Variants in FAF1 observed in about 807,000 individuals in gnomAD.
The protein encoded by FAF1 is FAS-associated factor 1.
A neutral mutation model predicts 92.5 loss-of-function variants in FAF1; 25 were observed. That is an observed-to-expected ratio of 0.27 (90% CI 0.20 to 0.38). The LOEUF (loss-of-function observed/expected upper bound fraction) is 0.38. Ranked by LOEUF, FAF1 falls within the 10% of genes least tolerant of loss-of-function variation. FAF1 has a pLI of 1.00. For synonymous variants in FAF1, 234 were observed against 273.2 expected (o/e 0.86, Z 1.42); for missense variants, 636 against 793.3 (o/e 0.80, Z 2.38).
intron 1 of FAF1, among the ~76,000 whole-genome samples, chr1:50,892,020 C>A (rs1425549429): frequency 6.6e-6 from 1 of 152,180 alleles, no homozygotes; most frequent in Non-Finnish European, 1.5e-5. Flanking sequence ...TTCGAGCTTC[C>A]CCGCCACTTT....
intron 14 of FAF1, among the ~76,000 whole-genome samples, chr1:50,538,249 A>G (rs1459785141): frequency 6.6e-6 from 1 of 152,050 alleles, no homozygotes; most frequent in African/African-American, 2.4e-5. Flanking sequence ...CAACCACACC[A>G]GTGCTTTTCT....
intron 8 of FAF1, among the ~76,000 whole-genome samples, chr1:50,614,839 CAAAAAAA>C (rs1295301237): frequency 2.1e-5 from 1 of 46,840 alleles, no homozygotes; most frequent in Non-Finnish European, 4.6e-5. Context: ...AACTCCGTCT[CAAAAAAA>C]AAAAAAAAAA....
At chr1:50,489,051 T>C (rs1160247176) in intron 17 of FAF1, among the ~76,000 whole-genome samples, 2 of 152,236 alleles carry the variant, frequency 1.3e-5, no homozygotes, top group East Asian at 3.9e-4. Flanking sequence ...CATCTGTACA[T>C]TGTCTGATTA....
intron 4 of FAF1, among the ~76,000 whole-genome samples, chr1:50,782,578 G>A (rs1312875048): frequency 2.6e-5 from 4 of 151,940 alleles, no homozygotes; most frequent in Admixed American, 2.0e-4. Context: ...ACAAGGTCTC[G>A]TTATGTTACC....
At chr1:50,539,813 T>C in intron 13 of FAF1, 85 bp from the exon 14 acceptor site, 1 of 958,126 alleles carries the variant, frequency 1.0e-6, no homozygotes, top group Admixed American at 2.4e-5. Flanking sequence ...CATTGTGTTA[T>C]TAGTTATGTT....
At chr1:50,656,917 T>G (rs1655139067) in intron 7 of FAF1, among the ~76,000 whole-genome samples, 1 of 151,798 alleles carries the variant, frequency 6.6e-6, no homozygotes, top group Non-Finnish European at 1.5e-5. Flanking sequence ...TAAAATAAAA[T>G]AAAAGAAGTG....
chr1:50,705,115 T>C (rs1657619177), intron 7 of FAF1, among the ~76,000 whole-genome samples: 1 of 152,242 alleles, frequency 6.6e-6, no homozygotes, highest in Non-Finnish European at 1.5e-5. Flanking sequence ...AGTCCTGTCA[T>C]AGCCTTAAAT....
intron 4 of FAF1, among the ~76,000 whole-genome samples, chr1:50,775,392 T>C (rs1211273928): frequency 1.3e-5 from 2 of 151,988 alleles, no homozygotes; most frequent in South Asian, 2.1e-4. Flanking sequence ...ACACAAAGGG[T>C]AAGATGTGTT....
chr1:50,447,400 C>T (rs1482941401), intron 18 of FAF1, among the ~76,000 whole-genome samples: 8 of 152,288 alleles, frequency 5.3e-5, no homozygotes, highest in Admixed American at 5.2e-4. Flanking sequence ...GCTGGGATTA[C>T]AGGCGTGAGC....
chr1:50,843,914 T>G (rs1225239554), intron 2 of FAF1, among the ~76,000 whole-genome samples: 1 of 152,192 alleles, frequency 6.6e-6, no homozygotes, highest in Non-Finnish European at 1.5e-5. Flanking sequence ...TGAGAATTGC[T>G]GGGTATATGG....
chr1:50,935,861 T>C (rs2124748932), intron 1 of FAF1, among the ~76,000 whole-genome samples: 1 of 152,324 alleles, frequency 6.6e-6, no homozygotes, highest in East Asian at 1.9e-4. Flanking sequence ...TCATCTGATT[T>C]CAACTTCATT....
intron 17 of FAF1, among the ~76,000 whole-genome samples, chr1:50,481,961 T>C (rs529069577): frequency 2.6e-4 from 39 of 152,266 alleles, no homozygotes; most frequent in African/African-American, 9.4e-4. Flanking sequence ...TTAGATCATA[T>C]ATGGCTTTGG....
At chr1:50,710,764 G>A (rs894576494) in intron 6 of FAF1, among the ~76,000 whole-genome samples, 14 of 151,282 alleles carry the variant, frequency 9.3e-5, no homozygotes, top group African/African-American at 3.4e-4. Context: ...CACCACGCCC[G>A]GCTAATTTTT....
Position 50,922,161 on chromosome 1 carries a change from C to T in FAF1, c.45+37606G>A, listed in dbSNP as rs543989963. ...CAACCTGGGTAACAGAGAGAGACTC[C>T]GTCTCAAAAAAAAAAGGCCAGGCGC... On this transcript the variant is annotated intron_variant, in intron 1 of 18. Transcript: ENST00000396153. Among the ~76,000 whole-genome samples, 230 of 147,822 alleles carry T rather than the reference C, an allele frequency of 1.6e-3. 1 individual carries two copies. The highest frequency in any genetic ancestry group is 5.5e-3 in the African/African-American group (221 of 40,080).
At position 50,533,337 on chromosome 1, in the gene FAF1, T is replaced by C. The variant is rs187466233; in HGVS notation, c.1494+2032A>G. On this transcript the variant is annotated intron_variant, in intron 15 of 18. Coordinates refer to ENST00000396153, the MANE Select transcript of FAF1 (RefSeq NM_007051.3). ...ATCCATCCACCTTGGCCTCCCAAAG[T>C]GTTGGGATTACAGGTGTGAGCCACC... 2.4e-4 allele frequency among the ~76,000 whole-genome samples: 37 copies of C among 152,322 alleles called. 1 individual carries two copies. The highest frequency in any genetic ancestry group is 8.2e-4 in the African/African-American group (34 of 41,584).
intron 5 of FAF1, among the ~76,000 whole-genome samples, chr1:50,739,820 A>C (rs1027688334): frequency 3.9e-5 from 6 of 152,086 alleles, no homozygotes; most frequent in Non-Finnish European, 7.4e-5. Context: ...GAAATGAATA[A>C]ATTACTATTG....
chr1:50,874,758 C>CTTTTTTTTTTTTTTTTTT (rs755424291), intron 1 of FAF1, among the ~76,000 whole-genome samples: 25 of 67,260 alleles, frequency 3.7e-4, no homozygotes, highest in Non-Finnish European at 5.2e-4. Context: ...TCTTTTCTTT[C>CTTTTTTTTTTTTTTTTTT]TTTTTTTTTT....
intron 1 of FAF1, among the ~76,000 whole-genome samples, chr1:50,900,321 T>G (rs1644786270): frequency 6.6e-6 from 1 of 152,252 alleles, no homozygotes; most frequent in African/African-American, 2.4e-5. Flanking sequence ...CTGTTTTTCA[T>G]TTTTATTGCT....
intron 6 of FAF1, among the ~76,000 whole-genome samples, chr1:50,707,556 G>A (rs1657734400): frequency 6.6e-6 from 1 of 151,606 alleles, no homozygotes; most frequent in Admixed American, 6.6e-5. Flanking sequence ...AAAAAAATTA[G>A]CTGGGCGTCG....
Sources: gnomAD v4.1 joint callset for allele counts (sites outside exome capture counted in the v4.1 genomes callset) on GRCh38, gnomAD v4.1.1 for gene constraint, MANE v1.5 for transcripts, NCBI Gene and HGNC (gene_info 2026-07-23, HGNC 2026-07-21) for gene names.